Variants in PPP1R27 observed in about 807,000 individuals in gnomAD.
PPP1R27 encodes the protein protein phosphatase 1 regulatory subunit 27, also known as dysferlin interacting protein 1.
In PPP1R27, 10 loss-of-function variants were observed where a neutral mutation model predicts 12.0. The ratio of observed to expected loss-of-function variants is 0.84; its 90% CI spans 0.52 to 1.42. The LOEUF is 1.42. PPP1R27 is among the 40% of genes most tolerant of loss of function. PPP1R27 has a pLI of 0.00. For synonymous variants in PPP1R27, 98 were observed against 89.3 expected, an observed-to-expected ratio of 1.10 and a Z score of -0.55; for missense variants, 246 against 215.3, an observed-to-expected ratio of 1.14 and a Z score of -0.89.
rs1184305741 is a variant in PPP1R27, at chr17:81,833,687, G to C, written c.*42C>G. The C allele has an allele frequency of 2.6e-6, 4 of 1,537,108 alleles. No individual in the cohort carries two copies. Among genetic ancestry groups the C allele is most frequent in the Non-Finnish European group, 3.5e-6 (4 of 1,143,554 alleles). ...CCATGGGCGACGCGCGGCTTCTCCA[G>C]GGAGGCGGCCCTGGGCGCGGGGGCG... On this transcript the variant is annotated 3_prime_UTR_variant, in exon 3 of 3. Coordinates refer to ENST00000330261, the MANE Select transcript of PPP1R27 (RefSeq NM_001007533.4).
Position 81,834,763 on chromosome 17 carries a change from C to G in PPP1R27, c.190+1G>C. Reference sequence around the variant, plus strand: ...GGCCAGCTCTTCCAGGCTTTGCTCACCTGAGGGGTGGATGGTGGCCAGGGA... The same window carrying G: ...GGCCAGCTCTTCCAGGCTTTGCTCAGCTGAGGGGTGGATGGTGGCCAGGGA... On this transcript the variant is annotated splice_donor_variant, in intron 1 of 2. Transcript: ENST00000330261. LOFTEE classifies it high-confidence loss of function. The G allele has an allele frequency of 6.2e-7, 1 of 1,611,812 alleles. No homozygotes were observed. Among genetic ancestry groups the G allele is most frequent in the Non-Finnish European group, 8.5e-7 (1 of 1,178,770 alleles).
intron 2 of PPP1R27, 89 bp from the exon 3 acceptor site, chr17:81,833,941 TCA>T: frequency 6.9e-7 from 1 of 1,452,722 alleles, no homozygotes; most frequent in Non-Finnish European, 9.3e-7. Context: ...AGTCCTGGGG[TCA>T]CCTGTGTGTC....
rs752721878 is a variant in PPP1R27, at chr17:81,834,798, A to G, written c.156T>C (p.Thr52=). The G allele has an allele frequency of 1.2e-6, 2 of 1,613,222 alleles. No individual in the cohort carries two copies. Among genetic ancestry groups the G allele is most frequent in the South Asian group, 2.2e-5 (2 of 91,034 alleles). ...GGATGGTGGCCAGGGAGACTTTCCG[A>G]GTCCGGATGAAGCGCCCCACCTGCT... The part of the protein sequence containing the change: ...DLEQVGRFIR[T]RKVSLATIHP... Residue 52 remains threonine (T), a synonymous_variant, in exon 1 of 3, where the codon ACT becomes ACC. Coordinates refer to ENST00000330261, the MANE Select transcript of PPP1R27 (RefSeq NM_001007533.4).
intron 2 of PPP1R27, 187 bp from the exon 3 acceptor site, chr17:81,834,039 T>G (rs2038579344): frequency 3.1e-6 from 2 of 637,584 alleles, no homozygotes; most frequent in Middle Eastern, 4.4e-4. Flanking sequence ...TTCAAGTTGG[T>G]TCTATTGAGG....
intron 2 of PPP1R27, 124 bp downstream of exon 2, chr17:81,834,379 C>T (rs1023498895): frequency 8.9e-7 from 1 of 1,121,720 alleles, no homozygotes; most frequent in Non-Finnish European, 1.3e-6. Flanking sequence ...CGTGAGCCAC[C>T]GCCCCCAGCC....
Position 81,833,573 on chromosome 17 carries a change from TG to T in PPP1R27, c.*155del. 1 of 726,534 alleles carries T rather than the reference TG, an allele frequency of 1.4e-6. No homozygotes were observed. Among genetic ancestry groups the T allele is most frequent in the Non-Finnish European group, 2.2e-6 (1 of 460,392 alleles). 45.0% of individuals were successfully genotyped at this position (726,534 alleles called of 1,614,324 possible). On this transcript the variant is annotated 3_prime_UTR_variant, in exon 3 of 3. Coordinates refer to ENST00000330261, the MANE Select transcript of PPP1R27 (RefSeq NM_001007533.4). ...AAAGTGTCACAGTAAAAAATTCACC[TG>T]GGGACAAAGCCAGGCCTAGGAGGGG... is the stretch of plus-strand genomic sequence containing the variant.
intron 2 of PPP1R27, chr17:81,834,199 G>A (rs944887717): frequency 4.3e-6 from 2 of 462,376 alleles, no homozygotes; most frequent in Non-Finnish European, 7.7e-6. Flanking sequence ...CACTTCCCGG[G>A]TTCAAGTGAT....
intron 2 of PPP1R27, 73 bp from the exon 3 acceptor site, chr17:81,833,925 G>A (rs1567830206): frequency 3.3e-6 from 5 of 1,535,686 alleles, no homozygotes; most frequent in South Asian, 1.2e-5. Flanking sequence ...CGGGTCAGAG[G>A]GCCAGAGTCC....
rs748823561 is a variant in PPP1R27 at position 81,833,812 on chromosome 17, C to T, written c.382G>A (p.Asp128Asn). 35 of 1,577,954 alleles carry T rather than the reference C, an allele frequency of 2.2e-5. No homozygotes were observed. The highest frequency in any genetic ancestry group is 1.2e-5 in the Non-Finnish European group (14 of 1,161,832). The change falls in exon 3 of 3, where the codon GAC (aspartate) becomes AAC (asparagine). Residue 128 changes from aspartate to asparagine, a missense_variant. Physicochemically the swap from Asp to Asn is conservative, Grantham distance 23 (BLOSUM62 1). Transcript: ENST00000330261. ...SLGADRDATN[D>N]DGDLPSDLID... ...AGGTCGGAGGGCAGGTCGCCATCGT[C>T]GTTGGTTGCATCCCTGTCCGCTCCC...
intron 2 of PPP1R27, 107 bp from the exon 3 acceptor site, chr17:81,833,959 C>G: frequency 9.8e-6 from 13 of 1,331,968 alleles, no homozygotes; most frequent in South Asian, 7.0e-5. Context: ...GTGTCCCCCA[C>G]CTTGGGGTCC....
In PPP1R27 at chr17:81,834,576, TGTC is replaced by T. The variant is rs1414086093; in HGVS notation, c.265_267del (p.Asp89del). 6.2e-7 allele frequency: 1 copy of T among 1,614,076 alleles called. No homozygotes were observed. Among genetic ancestry groups the T allele is most frequent in the African/African-American group, 1.3e-5 (1 of 74,940 alleles). ...CAGCCCGCCTCATCTCGCTGGTGAA[TGTC>T]AGCCCCGTATTTGACCAGCAGCTTC... On this transcript the variant is annotated inframe_deletion, in exon 2 of 3. Coordinates refer to ENST00000330261, the MANE Select transcript of PPP1R27 (RefSeq NM_001007533.4).
In PPP1R27 at chr17:81,834,669, G is replaced by C; in HGVS notation, c.191-16C>G. 1 of 1,613,966 alleles carries C rather than the reference G, an allele frequency of 6.2e-7. No individual in the cohort carries two copies. Among genetic ancestry groups the C allele is most frequent in the Middle Eastern group, 1.6e-4 (1 of 6,062 alleles). On this transcript the variant is annotated splice_polypyrimidine_tract_variant and intron_variant, in intron 1 of 2. Coordinates refer to ENST00000330261, the MANE Select transcript of PPP1R27 (RefSeq NM_001007533.4). ...GCGGCCAGGCCTGGGCAGGGAGGACGGGAGGGGTCAAGACTGAGCCCCAGG... is the reference window on the plus strand; with the variant it reads ...GCGGCCAGGCCTGGGCAGGGAGGACCGGAGGGGTCAAGACTGAGCCCCAGG...
chr17:81,834,261 G>C, intron 2 of PPP1R27: 2 of 525,320 alleles, frequency 3.8e-6, no homozygotes, highest in Non-Finnish European at 3.4e-6. Flanking sequence ...GCCACCACGC[G>C]TGGCTAATTT....
intron 2 of PPP1R27, 168 bp from the exon 3 acceptor site, chr17:81,834,020 G>T: frequency 1.4e-6 from 1 of 722,922 alleles, no homozygotes; most frequent in South Asian, 2.0e-5. Flanking sequence ...TGGAAGCTGT[G>T]GCCAGCTTTT....
intron 2 of PPP1R27, 38 bp downstream of exon 2, chr17:81,834,465 G>T (rs746827478): frequency 2.5e-6 from 4 of 1,604,510 alleles, no homozygotes; most frequent in Non-Finnish European, 3.4e-6. Context: ...GCCCGGAGGG[G>T]TCGGGTTCAA....
rs1018966405 is a variant in PPP1R27, at chr17:81,835,049, C to T, written c.-96G>A. 6.9e-6 allele frequency: 9 copies of T among 1,295,596 alleles called. No individual in the cohort carries two copies. Among genetic ancestry groups the T allele is most frequent in the South Asian group, 1.5e-5 (1 of 64,808 alleles). 80.3% of individuals were successfully genotyped at this position (1,295,596 alleles called of 1,614,324 possible). A position where few individuals can be genotyped will look rare whatever the true frequency, so the allele number is the denominator to read the frequency against. On this transcript the variant is annotated 5_prime_UTR_variant, in exon 1 of 3. Coordinates refer to ENST00000330261, the MANE Select transcript of PPP1R27 (RefSeq NM_001007533.4). ...ACCAGATCAGCTTGAGGGCTCCTGTCGGACGAGCCCCGGCCTCTGACTTGC... is the reference window on the plus strand; with the variant it reads ...ACCAGATCAGCTTGAGGGCTCCTGTTGGACGAGCCCCGGCCTCTGACTTGC...
Position 81,833,726 on chromosome 17 carries a change from G to A in PPP1R27, c.*3C>T, listed in dbSNP as rs1245075934. Reference sequence around the variant, plus strand: ...GGCGCGGGGGCGGGCGGGCAAAGCTGGCTCAGTCCATCGTGGTCCCTTTGA... The same window carrying A: ...GGCGCGGGGGCGGGCGGGCAAAGCTAGCTCAGTCCATCGTGGTCCCTTTGA... On this transcript the variant is annotated 3_prime_UTR_variant, in exon 3 of 3. Transcript: ENST00000330261. The A allele has an allele frequency of 1.2e-5, 18 of 1,548,680 alleles. No individual in the cohort carries two copies. The highest frequency in any genetic ancestry group is 1.6e-5 in the Non-Finnish European group (18 of 1,146,932).
Position 81,833,710 on chromosome 17 carries a change from G to T in PPP1R27, c.*19C>A, listed in dbSNP as rs542102517. On this transcript the variant is annotated 3_prime_UTR_variant, in exon 3 of 3. Coordinates refer to ENST00000330261, the MANE Select transcript of PPP1R27 (RefSeq NM_001007533.4). ...CAGGGAGGCGGCCCTGGGCGCGGGG[G>T]CGGGCGGGCAAAGCTGGCTCAGTCC... 3.2e-6 allele frequency: 5 copies of T among 1,544,918 alleles called. No individual in the cohort carries two copies. Among genetic ancestry groups the T allele is most frequent in the South Asian group, 2.4e-5 (2 of 83,966 alleles).
In PPP1R27 at chr17:81,834,523, A is replaced by G. The variant is rs368775034; in HGVS notation, c.321T>C (p.Asp107=). ...GWTPLHIACS[D]GYPDIARYLI... ...CTCACCTGGCTATGTCAGGGTACCC[A>G]TCGCTGCAGGCAATGTGCAGGGGTG... Residue 107 remains aspartate (D), a synonymous_variant, in exon 2 of 3, where the codon GAT becomes GAC. Coordinates refer to ENST00000330261, the MANE Select transcript of PPP1R27 (RefSeq NM_001007533.4). 1.2e-6 allele frequency: 2 copies of G among 1,614,056 alleles called. No homozygotes were observed. The highest frequency in any genetic ancestry group is 8.5e-7 in the Non-Finnish European group (1 of 1,179,992).
Sources: gnomAD v4.1 joint callset for allele counts on GRCh38, gnomAD v4.1.1 for gene constraint, MANE v1.5 for transcripts, NCBI Gene and HGNC (gene_info 2026-07-23, HGNC 2026-07-21) for gene names.